Variants in ARSB observed in about 807,000 individuals in gnomAD.
ARSB encodes the protein N-acetylgalactosamine-4-sulfatase.
In ARSB, 41 loss-of-function variants were observed where a neutral mutation model predicts 50.9. The ratio of observed to expected loss-of-function variants is 0.81; its 90% CI spans 0.63 to 1.04. ARSB has a LOEUF of 1.04. Ranked by LOEUF, ARSB falls within the 50% of genes least tolerant of loss-of-function variation. The pLI is 0.00. For synonymous variants in ARSB, 269 were observed against 284.8 expected, an observed-to-expected ratio of 0.94 and a Z score of 0.56; for missense variants, 672 against 693.3, an observed-to-expected ratio of 0.97 and a Z score of 0.35.
At chr5:78,852,693 C>T (rs563302009) in intron 5 of ARSB, among the ~76,000 whole-genome samples, 1 of 152,282 alleles carries the variant, frequency 6.6e-6, no homozygotes, top group South Asian at 2.1e-4. Flanking sequence ...TTCAGGTACA[C>T]CAATCAGACG....
At chr5:78,876,531 C>T (rs759982983) in intron 5 of ARSB, among the ~76,000 whole-genome samples, 1 of 152,168 alleles carries the variant, frequency 6.6e-6, no homozygotes, top group Non-Finnish European at 1.5e-5. Flanking sequence ...TTAATCATTG[C>T]CCAGTTTACT....
chr5:78,946,120 C>CATATAACTCATA (rs1751217748), intron 4 of ARSB, among the ~76,000 whole-genome samples: 1 of 152,162 alleles, frequency 6.6e-6, no homozygotes, highest in Non-Finnish European at 1.5e-5. Flanking sequence ...GAAACCGAGG[C>CATATAACTCATA]TAGACTCTAC....
At chr5:78,957,416 G>T (rs1265808136) in intron 3 of ARSB, among the ~76,000 whole-genome samples, 1 of 152,110 alleles carries the variant, frequency 6.6e-6, no homozygotes, top group Non-Finnish European at 1.5e-5. Context: ...TTTATTTATT[G>T]TTCAGGTCTT....
intron 6 of ARSB, among the ~76,000 whole-genome samples, chr5:78,819,314 A>G (rs1173748486): frequency 1.3e-5 from 2 of 152,168 alleles, no homozygotes; most frequent in East Asian, 3.9e-4. Context: ...CTCAAATTTG[A>G]TCTGTTCTCT....
chr5:78,959,284 T>C (rs567891147), intron 3 of ARSB, among the ~76,000 whole-genome samples: 2 of 152,054 alleles, frequency 1.3e-5, no homozygotes, highest in African/African-American at 2.4e-5. Flanking sequence ...TCCCCAGCCA[T>C]GTGGAACTGA....
chr5:78,880,436 A>G (rs1372013356), intron 5 of ARSB, among the ~76,000 whole-genome samples: 1 of 152,138 alleles, frequency 6.6e-6, no homozygotes, highest in East Asian at 1.9e-4. Context: ...TCCACATGCT[A>G]TTATGTCCTT....
intron 3 of ARSB, among the ~76,000 whole-genome samples, chr5:78,957,885 T>A (rs990158140): frequency 1.4e-5 from 2 of 146,944 alleles, no homozygotes; most frequent in Non-Finnish European, 3.1e-5. Flanking sequence ...CTGAGCCAAC[T>A]CCAGCCACCA....
At chr5:78,799,896 G>A (rs549231696) in intron 6 of ARSB, among the ~76,000 whole-genome samples, 3 of 152,314 alleles carry the variant, frequency 2.0e-5, no homozygotes, top group South Asian at 2.1e-4. Flanking sequence ...GAGCCCCAGG[G>A]CAACACCCCT....
chr5:78,857,726 T>C (rs1420994395), intron 5 of ARSB, among the ~76,000 whole-genome samples: 1 of 152,198 alleles, frequency 6.6e-6, no homozygotes, highest in Non-Finnish European at 1.5e-5. Context: ...TGGCAGTAAG[T>C]AGACAAAGAC....
At chr5:78,895,824 A>G (rs1486479553) in intron 4 of ARSB, among the ~76,000 whole-genome samples, 2 of 152,230 alleles carry the variant, frequency 1.3e-5, no homozygotes, top group African/African-American at 4.8e-5. Context: ...TAATAGATTT[A>G]GCTTAAGCAA....
chr5:78,849,100 T>C (rs1581036855), intron 5 of ARSB, among the ~76,000 whole-genome samples: 1 of 152,246 alleles, frequency 6.6e-6, no homozygotes, highest in African/African-American at 2.4e-5. Context: ...TTGGTTTTTG[T>C]TGCCATTGCT....
At position 78,804,863 on chromosome 5, in the gene ARSB, A is replaced by T. The variant is rs143966468; in HGVS notation, c.1214-22889T>A. On this transcript the variant is annotated intron_variant, in intron 6 of 7. Coordinates refer to ENST00000264914, the MANE Select transcript of ARSB (RefSeq NM_000046.5). ...CCATGCATCTTCCAGGTCCATGGCA[A>T]GTCTCCTGTAAAATCAAGGCCACTT... Among the ~76,000 whole-genome samples the T allele has an allele frequency of 3.8e-4, 58 of 152,340 alleles. No individual in the cohort carries two copies. In the East Asian group the frequency reaches 0.011, roughly 28 times the overall value.
chr5:78,803,749 G>A (rs1743473989), intron 6 of ARSB, among the ~76,000 whole-genome samples: 1 of 152,262 alleles, frequency 6.6e-6, no homozygotes. Context: ...ATGAAGACCA[G>A]AGGTCTTCCC....
chr5:78,787,183 T>C (rs2112626566), intron 6 of ARSB, among the ~76,000 whole-genome samples: 1 of 151,374 alleles, frequency 6.6e-6, no homozygotes, highest in African/African-American at 2.4e-5. Flanking sequence ...CTCTAGCTCC[T>C]GGCCTCAAGC....
chr5:78,900,760 G>A (rs993838369), intron 4 of ARSB, among the ~76,000 whole-genome samples: 6 of 152,144 alleles, frequency 3.9e-5, no homozygotes, highest in African/African-American at 1.4e-4. Flanking sequence ...TCAGCAATGG[G>A]CGGGCGCAGT....
intron 5 of ARSB, among the ~76,000 whole-genome samples, chr5:78,865,170 C>T (rs556357134): frequency 2.6e-4 from 40 of 152,286 alleles, no homozygotes; most frequent in African/African-American, 9.4e-4. Context: ...AGCAGAGGTT[C>T]TCCGTGAGTA....
chr5:78,809,187 G>A (rs546750000), intron 6 of ARSB, among the ~76,000 whole-genome samples: 20 of 152,328 alleles, frequency 1.3e-4, no homozygotes, highest in Admixed American at 9.8e-4. Context: ...CATAGAACAC[G>A]CTGAGCGGGC....
chr5:78,876,892 T>C (rs1747506532), intron 5 of ARSB, among the ~76,000 whole-genome samples: 1 of 152,154 alleles, frequency 6.6e-6, no homozygotes, highest in Non-Finnish European at 1.5e-5. Flanking sequence ...GGAGTGCGAA[T>C]CCTACTGTGA....
rs113739923 is a variant in ARSB at position 78,830,022 on chromosome 5, C to A, written c.1213+9334G>T. Among the ~76,000 whole-genome samples the A allele has an allele frequency of 3.3e-5, 5 of 152,214 alleles. No homozygotes were observed. The East Asian group carries it at 7.7e-4, about 23-fold the overall frequency. Reference sequence around the variant, plus strand: ...GCTCCAGGGTGGAAGACGGAAGGGGCGGAGCCACTGGACCTGAGAGGGACT... The same window carrying A: ...GCTCCAGGGTGGAAGACGGAAGGGGAGGAGCCACTGGACCTGAGAGGGACT... On this transcript the variant is annotated intron_variant, in intron 6 of 7. Transcript: ENST00000264914.
Sources: gnomAD v4.1 joint callset for allele counts (sites outside exome capture counted in the v4.1 genomes callset) on GRCh38, gnomAD v4.1.1 for gene constraint, MANE v1.5 for transcripts, NCBI Gene and HGNC (gene_info 2026-07-23, HGNC 2026-07-21) for gene names.